Variants in DNAH14 observed in about 807,000 individuals in gnomAD.
The protein encoded by DNAH14 is axonemal beta dynein heavy chain 14.
In DNAH14, 478 loss-of-function variants were observed where a neutral mutation model predicts 520.9. The ratio of observed to expected loss-of-function variants is 0.92; its 90% confidence interval spans 0.85 to 0.99. The LOEUF (loss-of-function observed/expected upper bound fraction) is 0.99. Among genes scored for constraint, DNAH14 ranks in the 50% least tolerant of loss-of-function variants. The pLI is 0.00. For synonymous variants in DNAH14, 1,581 were observed against 1,757.2 expected, an observed-to-expected ratio of 0.90 and a Z score of 2.51; for missense variants, 4,831 against 5,234.5, an observed-to-expected ratio of 0.92 and a Z score of 2.38.
Position 225,398,602 on chromosome 1 carries a change from T to G in DNAH14, c.13574T>G (p.Leu4525Arg). 6.4e-7 allele frequency: 1 copy of G among 1,551,758 alleles called. No individual in the cohort carries two copies. Among genetic ancestry groups the G allele is most frequent in the Non-Finnish European group, 8.7e-7 (1 of 1,147,004 alleles). Reference sequence around the variant, plus strand: ...AGATGGAATCGTGAACAGAAAATACTGGAAGACTCGCTGCCTCTGGAGATG... The same window carrying G: ...AGATGGAATCGTGAACAGAAAATACGGGAAGACTCGCTGCCTCTGGAGATG... ...GARWNREQKI[L>R]EDSLPLEMCC... Residue 4525 changes from leucine to arginine, a missense_variant, in exon 85 of 86, where the codon CTG becomes CGG. Physicochemically the swap from Leu to Arg is moderately radical, Grantham distance 102 (BLOSUM62 -2). Transcript: ENST00000682510.
chr1:225,288,842 A>G (rs1406051890), intron 54 of DNAH14, among the ~76,000 whole-genome samples: 1 of 152,134 alleles, frequency 6.6e-6, no homozygotes, highest in East Asian at 1.9e-4. Context: ...TATAAACTGA[A>G]CTTTCATACA....
chr1:225,320,432 C>A (rs2094537647), intron 61 of DNAH14, among the ~76,000 whole-genome samples: 1 of 152,188 alleles, frequency 6.6e-6, no homozygotes, highest in Non-Finnish European at 1.5e-5. Flanking sequence ...TGTCTTTGAA[C>A]TCCTTGAGTA....
At position 225,258,702 on chromosome 1, in the gene DNAH14, A is replaced by G. The variant is rs953434507; in HGVS notation, c.7025-419A>G. ...TGCCTCTAATTTTGTCTAAGAAAAT[A>G]CTTATCTTTACTTTAATACTTAATG... On this transcript the variant is annotated intron_variant, in intron 45 of 85. Coordinates refer to ENST00000682510, the MANE Select transcript of DNAH14 (RefSeq NM_001367479.1). 5.3e-5 allele frequency among the ~76,000 whole-genome samples: 8 copies of G among 152,272 alleles called. No individual in the cohort carries two copies. In the East Asian group the frequency reaches 1.4e-3, roughly 26 times the overall value.
chr1:225,147,218 A>G lies in DNAH14; in HGVS notation c.4909A>G (p.Ile1637Val), dbSNP rs1369038352. 6.5e-7 allele frequency: 1 copy of G among 1,536,912 alleles called. No homozygotes were observed. The highest frequency in any genetic ancestry group is 8.8e-7 in the Non-Finnish European group (1 of 1,135,566). The change falls in exon 31 of 86, where the codon ATT becomes GTT. Residue 1637 changes from isoleucine to valine, a missense_variant. Transcript: ENST00000682510. ...TGTCATTGCCTCACAGATCCTAACA[A>G]TTAAGGCTGCAAAAGACAACTATTC... ...LSVIASQILTIKAAKDNYSAR... is the reference protein window; with the variant it reads ...LSVIASQILTVKAAKDNYSAR...
intron 55 of DNAH14, among the ~76,000 whole-genome samples, chr1:225,290,639 GTGTGTGTGTATATATATATA>G (rs1489295780): frequency 2.3e-5 from 2 of 88,748 alleles, no homozygotes; most frequent in East Asian, 3.8e-4. Context: ...ATATGTGTGT[GTGTGTGTGTATATATATATA>G]TATATATATA....
intron 32 of DNAH14, among the ~76,000 whole-genome samples, chr1:225,152,371 A>G (rs1035669243): frequency 6.6e-6 from 1 of 152,340 alleles, no homozygotes; most frequent in Non-Finnish European, 1.5e-5. Flanking sequence ...AAAGCTGATG[A>G]GAGTGGCAGG....
intron 5 of DNAH14, among the ~76,000 whole-genome samples, chr1:224,965,749 T>G (rs2061128492): frequency 6.6e-6 from 1 of 152,094 alleles, no homozygotes; most frequent in Non-Finnish European, 1.5e-5. Context: ...GTTTTGACCT[T>G]GAAATGGAGA....
chr1:225,263,004 GAA>G (rs11314557), intron 46 of DNAH14, among the ~76,000 whole-genome samples: 1 of 145,670 alleles, frequency 6.9e-6, no homozygotes, highest in East Asian at 2.0e-4. Context: ...TCTTCCTGAA[GAA>G]AAAAAAAAGA....
chr1:225,086,299 A>C (rs2073788475), intron 21 of DNAH14, among the ~76,000 whole-genome samples: 2 of 61,244 alleles, frequency 3.3e-5, no homozygotes, highest in African/African-American at 6.2e-5. Flanking sequence ...CGCCCGGCTA[A>C]TTGTTTGTAT....
At chr1:224,974,478 C>T (rs1317560001) in intron 8 of DNAH14, among the ~76,000 whole-genome samples, 2 of 152,048 alleles carry the variant, frequency 1.3e-5, no homozygotes, top group African/African-American at 4.8e-5. Flanking sequence ...TCTCCATCAG[C>T]CAAATGTTTT....
chr1:225,106,869 T>C (rs2076101553), intron 23 of DNAH14, among the ~76,000 whole-genome samples: 2 of 152,232 alleles, frequency 1.3e-5, no homozygotes, highest in Admixed American at 1.3e-4. Context: ...TGAAACCTTC[T>C]TCTCTCAACT....
chr1:225,094,774 G>A (rs2148682340), intron 21 of DNAH14, among the ~76,000 whole-genome samples: 1 of 140,094 alleles, frequency 7.1e-6, no homozygotes, highest in East Asian at 2.3e-4. Flanking sequence ...TCTGATGAAG[G>A]TATAATATCC....
intron 65 of DNAH14, among the ~76,000 whole-genome samples, chr1:225,331,876 T>G (rs777590025): frequency 1.3e-5 from 2 of 152,224 alleles, no homozygotes; most frequent in Admixed American, 1.3e-4. Context: ...TAGTTTTCCT[T>G]TTCTAGCACT....
At chr1:225,153,858 G>A (rs939191258) in intron 34 of DNAH14, 32 bp downstream of exon 34, 2 of 1,487,410 alleles carry the variant, frequency 1.3e-6, no homozygotes, top group African/African-American at 2.8e-5. Flanking sequence ...TAGGTCAAAG[G>A]GAGTTATATA....
chr1:225,392,379 CACCACTGACAAG>C lies in DNAH14; in HGVS notation c.13420_13431del (p.Thr4474_Lys4477del). Reference sequence around the variant, plus strand: ...CCTTCACCCACCATGTGATTTCCAACACCACTGACAAGGATGAGAAGTTCTCCGTATTTATGC... The same window carrying C: ...CCTTCACCCACCATGTGATTTCCAACGATGAGAAGTTCTCCGTATTTATGC... On this transcript the variant is annotated inframe_deletion, in exon 84 of 86. Coordinates refer to ENST00000682510, the MANE Select transcript of DNAH14 (RefSeq NM_001367479.1). 2 of 1,552,260 alleles carry C rather than the reference CACCACTGACAAG, an allele frequency of 1.3e-6. No individual in the cohort carries two copies. Among genetic ancestry groups the C allele is most frequent in the South Asian group, 2.4e-5 (2 of 84,066 alleles).
intron 41 of DNAH14, among the ~76,000 whole-genome samples, chr1:225,213,882 A>G (rs1276275937): frequency 2.0e-5 from 3 of 152,142 alleles, no homozygotes; most frequent in East Asian, 1.9e-4. Flanking sequence ...CTCTTTTCCT[A>G]ATTGAATACC....
intron 60 of DNAH14, among the ~76,000 whole-genome samples, chr1:225,315,418 CA>C (rs1405705325): frequency 1.3e-5 from 2 of 151,848 alleles, no homozygotes; most frequent in Non-Finnish European, 2.9e-5. Flanking sequence ...TCTTATTACC[CA>C]CCTTCTGAAG....
intron 8 of DNAH14, among the ~76,000 whole-genome samples, chr1:224,984,792 A>G (rs535628461): frequency 8.7e-4 from 132 of 152,230 alleles, no homozygotes; most frequent in African/African-American, 3.0e-3. Context: ...ACAATCCCAT[A>G]AAAAAGTGGG....
Position 225,107,143 on chromosome 1 carries a change from T to C in DNAH14, c.3867+6259T>C, listed in dbSNP as rs578143583. 5.3e-5 allele frequency among the ~76,000 whole-genome samples: 8 copies of C among 152,310 alleles called. No individual in the cohort carries two copies. In the South Asian group the frequency reaches 1.0e-3, roughly 20 times the overall value. On this transcript the variant is annotated intron_variant, in intron 23 of 85. Coordinates refer to ENST00000682510, the MANE Select transcript of DNAH14 (RefSeq NM_001367479.1). ...CTGTTGGAGTTTGCCGGAGGTCCAC[T>C]CCAGACCCTGTTTGCCTGGGTATCA...
Sources: gnomAD v4.1 joint callset for allele counts (sites outside exome capture counted in the v4.1 genomes callset) on GRCh38, gnomAD v4.1.1 for gene constraint, MANE v1.5 for transcripts, NCBI Gene and HGNC (gene_info 2026-07-23, HGNC 2026-07-21) for gene names.